ASH1L: variants seen among roughly 807,000 people sequenced by gnomAD.
ASH1L encodes the protein histone-lysine N-methyltransferase ASH1L.
ASH1L carries 23 observed loss-of-function variants against 269.0 expected under a neutral mutation model. The observed-to-expected ratio is 0.09, with a 90% CI of 0.06 to 0.12. The LOEUF (loss-of-function observed/expected upper bound fraction) is 0.12. ASH1L is among the 10% of genes least tolerant of loss of function. The pLI, the probability that ASH1L is intolerant of heterozygous loss-of-function variation, is 1.00. For synonymous variants in ASH1L, 1,187 were observed against 1,253.5 expected (o/e 0.95, Z 1.12); for missense variants, 2,912 against 3,567.8 (o/e 0.82, Z 4.68).
chr1:155,433,168 C>T lies in ASH1L; in HGVS notation c.5828+5159G>A, dbSNP rs746648298. On this transcript the variant is annotated intron_variant, in intron 5 of 27. Transcript: ENST00000392403. ...TTCACCAGGCCCCCAGCTTGGGGCG[C>T]CTTCCTTCCCCATGGCGGGACACCT... 1.3e-5 allele frequency: 19 copies of T among 1,517,100 alleles called. No homozygotes were observed. In the Admixed American group the frequency reaches 4.0e-4, roughly 32 times the overall value. 94.0% of individuals were successfully genotyped at this position (1,517,100 alleles called of 1,614,324 possible).
intron 12 of ASH1L, among the ~76,000 whole-genome samples, chr1:155,364,662 C>T (rs1041940542): frequency 3.3e-5 from 5 of 151,834 alleles, no homozygotes; most frequent in Non-Finnish European, 7.4e-5. Flanking sequence ...TTGTCAGGCC[C>T]GGCATGGTGG....
chr1:155,515,392 A>T (rs1170472116), intron 2 of ASH1L, among the ~76,000 whole-genome samples: 4 of 152,210 alleles, frequency 2.6e-5, no homozygotes, highest in Admixed American at 1.3e-4. Flanking sequence ...AATCCTTCCC[A>T]AGAGTTTGTT....
chr1:155,358,643 A>C (rs758362245), intron 13 of ASH1L: 1 of 151,542 alleles, frequency 6.6e-6, no homozygotes, highest in Non-Finnish European at 1.5e-5. Context: ...AGCCGAGATC[A>C]CGCCACTGCA....
chr1:155,373,091 T>C (rs1472220306), intron 10 of ASH1L, among the ~76,000 whole-genome samples: 1 of 151,912 alleles, frequency 6.6e-6, no homozygotes, highest in Non-Finnish European at 1.5e-5. Context: ...TATGTGCCTA[T>C]AGTCCCAGCT....
chr1:155,456,406 G>T (rs756785819), intron 4 of ASH1L, among the ~76,000 whole-genome samples: 38 of 151,970 alleles, frequency 2.5e-4, no homozygotes, highest in Admixed American at 2.6e-4. Flanking sequence ...AACTCTTCTT[G>T]ATCTCTTTGT....
intron 5 of ASH1L, among the ~76,000 whole-genome samples, chr1:155,426,583 G>T (rs1168728795): frequency 6.6e-6 from 1 of 152,156 alleles, no homozygotes; most frequent in East Asian, 1.9e-4. Context: ...CAGGTGATCT[G>T]CCCACATCAG....
chr1:155,482,565 G>T, intron 2 of ASH1L, 116 bp from the exon 3 acceptor site: 1 of 1,142,002 alleles, frequency 8.8e-7, no homozygotes, highest in Non-Finnish European at 1.2e-6. Flanking sequence ...AGGCAACAGT[G>T]GTTTTTAAAA....
intron 1 of ASH1L, among the ~76,000 whole-genome samples, chr1:155,545,554 A>G (rs1029845011): frequency 6.6e-6 from 1 of 151,918 alleles, no homozygotes; most frequent in Non-Finnish European, 1.5e-5. Flanking sequence ...AATCCTATAT[A>G]GAGAAAAAAT....
chr1:155,472,541 T>C (rs1056665604), intron 3 of ASH1L, among the ~76,000 whole-genome samples: 1 of 152,072 alleles, frequency 6.6e-6, no homozygotes, highest in African/African-American at 2.4e-5. Context: ...ATAATCTCCT[T>C]CTCATGACTC....
rs12138411 is a variant in ASH1L at position 155,437,651 on chromosome 1, C to T, written c.5828+676G>A. Among the ~76,000 whole-genome samples the T allele has an allele frequency of 8.6e-3, 1,312 of 152,280 alleles. 9 individuals are homozygous for T. The highest frequency in any genetic ancestry group is 0.036 in the South Asian group (176 of 4,824). On this transcript the variant is annotated intron_variant, in intron 5 of 27. Transcript: ENST00000392403. ...GGTCTGAAAGAGGTATTTGTATACC[C>T]GCTGTCATAGCGGCGTTACGGCATG...
rs1378108294 is a variant in ASH1L at position 155,370,981 on chromosome 1, ATTCT to A, written c.6333-2_6334del. 1.2e-6 allele frequency: 2 copies of A among 1,613,836 alleles called. No individual in the cohort carries two copies. The highest frequency in any genetic ancestry group is 1.7e-4 in the Middle Eastern group (1 of 6,058). The stretch of plus-strand genomic sequence containing the variant: ...GTTGGGGGAACACTCAGCAAAGATC[ATTCT>A]AGAAAAAAAAGGAATAACTGTACAT... On this transcript the variant is annotated splice_acceptor_variant and coding_sequence_variant, in exon 11 of 28. Coordinates refer to ENST00000392403, the MANE Select transcript of ASH1L (RefSeq NM_018489.3). LOFTEE classifies it high-confidence loss of function.
At chr1:155,437,629 C>CT (rs1272024862) in intron 5 of ASH1L, among the ~76,000 whole-genome samples, 1 of 152,186 alleles carries the variant, frequency 6.6e-6, no homozygotes, top group Non-Finnish European at 1.5e-5. Context: ...AAAGCAGGGT[C>CT]TGAAAGAGGT....
At chr1:155,434,503 T>TAAAAAAAAAAAAAAAA (rs777553969) in intron 5 of ASH1L, among the ~76,000 whole-genome samples, 1 of 70,230 alleles carries the variant, frequency 1.4e-5, no homozygotes, top group Non-Finnish European at 2.9e-5. Flanking sequence ...TGGGACACAG[T>TAAAAAAAAAAAAAAAA]AAAAAAAAAA....
Position 155,339,348 on chromosome 1 carries a change from G to A in ASH1L, c.8481C>T (p.Asn2827=). 1 of 1,613,746 alleles carries A rather than the reference G, an allele frequency of 6.2e-7. No homozygotes were observed. Among genetic ancestry groups the A allele is most frequent in the Non-Finnish European group, 8.5e-7 (1 of 1,179,670 alleles). ...CTTACCGTCCTCCATTCCTCTTGTA[G>A]TTGTCTGGGACGTAATGAGGCTGCA... is the stretch of plus-strand genomic sequence containing the variant. ...KDFSPHYVPD[N]YKRNGGRSSW... Residue 2827 remains asparagine (N), a synonymous_variant, in exon 26 of 28, where the codon AAC becomes AAT. Transcript: ENST00000392403.
In ASH1L at chr1:155,370,863, A is replaced by G. The variant is rs763352158; in HGVS notation, c.6453T>C (p.Gly2151=). Residue 2151 remains glycine, a synonymous_variant, in exon 11 of 28, where the codon GGT becomes GGC. Transcript: ENST00000392403. The part of the protein sequence containing the change: ...CLERFRAEEK[G]WGIRTKEPLK... ...GGGGCTCTTTGGTTCTGATTCCCCAACCTTTTTCCTCAGCTCGAAATCGTT... is the reference window on the plus strand; with the variant it reads ...GGGGCTCTTTGGTTCTGATTCCCCAGCCTTTTTCCTCAGCTCGAAATCGTT... 6.8e-6 allele frequency: 11 copies of G among 1,613,932 alleles called. 1 individual carries two copies. The highest frequency in any genetic ancestry group is 6.6e-5 in the South Asian group (6 of 91,060).
chr1:155,524,998 G>A (rs543801600), intron 1 of ASH1L, among the ~76,000 whole-genome samples: 28 of 152,040 alleles, frequency 1.8e-4, no homozygotes, highest in Admixed American at 8.5e-4. Flanking sequence ...CTGTATTACT[G>A]GCACTTTGGA....
intron 1 of ASH1L, among the ~76,000 whole-genome samples, chr1:155,549,246 G>A (rs1671035726): frequency 6.6e-6 from 1 of 152,112 alleles, no homozygotes; most frequent in South Asian, 2.1e-4. Flanking sequence ...AGGAAGCTGA[G>A]GTAGGAAAAT....
At chr1:155,441,727 A>G (rs1205757173) in intron 4 of ASH1L, among the ~76,000 whole-genome samples, 1 of 150,614 alleles carries the variant, frequency 6.6e-6, no homozygotes, top group African/African-American at 2.4e-5. Context: ...CGGCCTCCCA[A>G]AGTGCTGGAA....
At chr1:155,355,755 C>T (rs1654325377) in intron 15 of ASH1L, among the ~76,000 whole-genome samples, 1 of 152,110 alleles carries the variant, frequency 6.6e-6, no homozygotes, top group South Asian at 2.1e-4. Context: ...GCTAAAATTA[C>T]ACAATGGTTA....
Sources: gnomAD v4.1 joint callset for allele counts (sites outside exome capture counted in the v4.1 genomes callset) on GRCh38, gnomAD v4.1.1 for gene constraint, MANE v1.5 for transcripts, NCBI Gene and HGNC (gene_info 2026-07-23, HGNC 2026-07-21) for gene names.